ARMC10: variants seen among roughly 807,000 people sequenced by gnomAD.
The protein encoded by ARMC10 is armadillo repeat-containing protein 10.
ARMC10 carries 23 observed loss-of-function variants against 30.2 expected under a neutral mutation model. The observed-to-expected ratio is 0.76, with a 90% CI of 0.55 to 1.08. ARMC10 has a LOEUF of 1.08. ARMC10 is among the 50% of genes least tolerant of loss of function. The pLI is 0.00. For missense variants in ARMC10, 303 were observed against 413.7 expected (o/e 0.73, Z 2.32); for synonymous variants, 111 against 164.4 (o/e 0.68, Z 2.48).
chr7:103,082,343 G>A (rs1011681793), intron 2 of ARMC10, among the ~76,000 whole-genome samples: 1 of 150,866 alleles, frequency 6.6e-6, no homozygotes, highest in Non-Finnish European at 1.5e-5. Context: ...GTGTGTGTGT[G>A]TGATTCTTCT....
At chr7:103,075,719 C>G in intron 1 of ARMC10, 58 bp from the exon 2 acceptor site, 2 of 1,315,842 alleles carry the variant, frequency 1.5e-6, no homozygotes, top group African/African-American at 3.0e-5. Flanking sequence ...AAGGGATTCT[C>G]CCGATTGTGG....
chr7:103,084,230 C>G (rs904203992), intron 3 of ARMC10, among the ~76,000 whole-genome samples: 1 of 152,204 alleles, frequency 6.6e-6, no homozygotes, highest in Non-Finnish European at 1.5e-5. Context: ...GGACCACACT[C>G]TGATAACCAC....
At chr7:103,080,963 TGAGAG>T (rs1442298787) in intron 2 of ARMC10, among the ~76,000 whole-genome samples, 1 of 152,174 alleles carries the variant, frequency 6.6e-6, no homozygotes, top group Non-Finnish European at 1.5e-5. Context: ...GAATAATGGT[TGAGAG>T]GAAAGAGTAA....
intron 2 of ARMC10, 41 bp downstream of exon 2, chr7:103,075,922 A>T: frequency 7.1e-7 from 1 of 1,410,878 alleles, no homozygotes; most frequent in Non-Finnish European, 9.6e-7. Flanking sequence ...TGCGCGAGAC[A>T]CACCCTCCCA....
At position 103,096,000 on chromosome 7, in the gene ARMC10, G is replaced by C. The variant is rs778463513; in HGVS notation, c.706-1277G>C. 4 of 151,872 alleles carry C rather than the reference G, an allele frequency of 2.6e-5. 1 individual carries two copies. Among genetic ancestry groups the C allele is most frequent in the Non-Finnish European group, 5.9e-5 (4 of 68,008 alleles). The allele number at this position is 151,872 out of a possible 1,614,324, so 9.4% of individuals were successfully genotyped here. On this transcript the variant is annotated intron_variant, in intron 5 of 6. Coordinates refer to ENST00000323716, the MANE Select transcript of ARMC10 (RefSeq NM_031905.5). Reference sequence around the variant, plus strand: ...CCTAATGCTAGATGACGAGTTAGTGGGTGCAGTGCACCAGCATGGCACAAG... The same window carrying C: ...CCTAATGCTAGATGACGAGTTAGTGCGTGCAGTGCACCAGCATGGCACAAG...
chr7:103,083,914 C>T (rs935850072), intron 3 of ARMC10, 84 bp downstream of exon 3: 45 of 1,536,256 alleles, frequency 2.9e-5, no homozygotes, highest in Admixed American at 9.1e-5. Flanking sequence ...TACTTAACCT[C>T]TCAGACCCTC....
chr7:103,091,509 T>C (rs986538375), intron 4 of ARMC10, among the ~76,000 whole-genome samples: 9 of 125,106 alleles, frequency 7.2e-5, no homozygotes, highest in African/African-American at 2.6e-4. Flanking sequence ...TATATATATA[T>C]ATACACACCT....
At chr7:103,087,686 A>G (rs1585758196) in intron 4 of ARMC10, 1 of 787,374 alleles carries the variant, frequency 1.3e-6, no homozygotes, top group East Asian at 1.3e-4. Context: ...CAAATAACCA[A>G]ACTTTATTTC....
chr7:103,086,776 GA>G lies in ARMC10; in HGVS notation c.528+16del. On this transcript the variant is annotated intron_variant, in intron 4 of 6. Transcript: ENST00000323716. ...AAATCAAGATAAAGGTAAGTTGACT[GA>G]AAATCACAAATGTATAAGGTTTTCT... 1 of 1,586,564 alleles carries G rather than the reference GA, an allele frequency of 6.3e-7. No homozygotes were observed. The highest frequency in any genetic ancestry group is 1.4e-5 in the African/African-American group (1 of 73,068).
rs1157776077 is a variant in ARMC10, at chr7:103,092,548, G to A, written c.600G>A (p.Leu200=). 5 of 1,610,448 alleles carry A rather than the reference G, an allele frequency of 3.1e-6. No individual in the cohort carries two copies. Among genetic ancestry groups the A allele is most frequent in the Non-Finnish European group, 4.2e-6 (5 of 1,177,058 alleles). ...PLNSAVQLAG[L]TLLTNMTVTN... ...ACTCTGCTGTGCAGCTGGCTGGACT[G>A]ACATTGTTGACAAACATGACTGTTA... Residue 200 remains leucine (L), a synonymous_variant, in exon 5 of 7, where the codon CTG becomes CTA. Transcript: ENST00000323716.
At position 103,078,127 on chromosome 7, in the gene ARMC10, CTGAGA is replaced by C. The variant is rs537304845; in HGVS notation, c.244+2250_244+2254del. 9.2e-5 allele frequency among the ~76,000 whole-genome samples: 14 copies of C among 152,222 alleles called. No homozygotes were observed. The South Asian group carries it at 2.9e-3, about 32-fold the overall frequency. ...TCTCTTGCCTCGGCCTCCGGAGTAG[CTGAGA>C]TGACAGGTACACACCATGTGCCTGG... On this transcript the variant is annotated intron_variant, in intron 2 of 6. Coordinates refer to ENST00000323716, the MANE Select transcript of ARMC10 (RefSeq NM_031905.5).
At position 103,098,701 on chromosome 7, in the gene ARMC10, A is replaced by G; in HGVS notation, c.*148A>G. The G allele has an allele frequency of 2.2e-6, 3 of 1,359,894 alleles. No homozygotes were observed. In the South Asian group the frequency reaches 5.3e-5, roughly 24 times the overall value. The allele number at this position is 1,359,894 out of a possible 1,614,324, so 84.2% of individuals were successfully genotyped here. The stretch of plus-strand genomic sequence containing the variant: ...AGCTATAACTTGCCGTGGTTCTCAG[A>G]TTTATTTTGGACTATTTTGATGCCA... On this transcript the variant is annotated 3_prime_UTR_variant, in exon 7 of 7. Transcript: ENST00000323716.
In ARMC10 at chr7:103,099,455, G is replaced by C. The variant is rs1358174843; in HGVS notation, c.*902G>C. ...CATTGCACTCCAGCCTGGGCAACAA[G>C]AGCAAAACTCTGTCTCAAAAAAAAA... On this transcript the variant is annotated 3_prime_UTR_variant, in exon 7 of 7. Transcript: ENST00000323716. The C allele has an allele frequency of 7.0e-6, 1 of 142,642 alleles. No individual in the cohort carries two copies. Among genetic ancestry groups the C allele is most frequent in the Non-Finnish European group, 1.5e-5 (1 of 65,502 alleles). The allele number at this position is 142,642 out of a possible 1,614,324, so 8.8% of individuals were successfully genotyped here. A position where few individuals can be genotyped will look rare whatever the true frequency, so the allele number is the denominator to read the frequency against.
chr7:103,094,196 T>G (rs905134227), intron 5 of ARMC10, among the ~76,000 whole-genome samples: 77 of 151,886 alleles, frequency 5.1e-4, no homozygotes, highest in African/African-American at 1.7e-3. Flanking sequence ...GTAATAACCG[T>G]TTGGGTACAC....
At position 103,081,784 on chromosome 7, in the gene ARMC10, G is replaced by A. The variant is rs1444807779; in HGVS notation, c.245-1898G>A. On this transcript the variant is annotated intron_variant, in intron 2 of 6. Transcript: ENST00000323716. ...TCACATTTCTGCCATGCATGTGCAC[G>A]TGTATGTATGCATGTGTATATGAAA... 11 of 410,404 alleles carry A rather than the reference G, an allele frequency of 2.7e-5. No individual in the cohort carries two copies. In the East Asian group the frequency reaches 4.3e-4, roughly 16 times the overall value. The allele number at this position is 410,404 out of a possible 1,614,324, so 25.4% of individuals were successfully genotyped here.
intron 5 of ARMC10, 24 bp downstream of exon 5, chr7:103,092,677 C>T: frequency 6.8e-7 from 1 of 1,474,750 alleles, no homozygotes; most frequent in Non-Finnish European, 9.2e-7. Context: ...TTGTGTCAAG[C>T]TTATTAACAT....
At chr7:103,075,637 G>T in intron 1 of ARMC10, 140 bp from the exon 2 acceptor site, 1 of 873,420 alleles carries the variant, frequency 1.1e-6, no homozygotes, top group South Asian at 2.1e-5. Context: ...CGTCACAGCG[G>T]AGGATTAGAT....
intron 2 of ARMC10, 55 bp from the exon 3 acceptor site, chr7:103,083,627 A>G: frequency 1.3e-6 from 2 of 1,522,870 alleles, no homozygotes; most frequent in South Asian, 2.3e-5. Context: ...GCCTGTTTCA[A>G]AAATAACCTC....
At chr7:103,093,331 G>C (rs1215871795) in intron 5 of ARMC10, among the ~76,000 whole-genome samples, 1 of 152,172 alleles carries the variant, frequency 6.6e-6, no homozygotes, top group Non-Finnish European at 1.5e-5. Flanking sequence ...ACAGTTGAGA[G>C]ACAAATGCAT....
Sources: allele counts gnomAD v4.1 joint callset (sites outside exome capture counted in the v4.1 genomes callset), GRCh38; gene constraint gnomAD v4.1.1; transcripts MANE v1.5; gene names NCBI Gene and HGNC (gene_info 2026-07-23, HGNC 2026-07-21).